The following MICAL3 variants were observed in gnomAD, a reference collection of about 807,000 sequenced individuals.
MICAL3 encodes the protein [F-actin]-monooxygenase MICAL3.
Under a neutral mutation model 207.4 loss-of-function variants are expected in MICAL3, and 62 were observed. The ratio of observed to expected loss-of-function variants is 0.30; its 90% CI spans 0.24 to 0.37. The LOEUF (loss-of-function observed/expected upper bound fraction) is 0.37. Ranked by LOEUF, MICAL3 falls within the 10% of genes least tolerant of loss-of-function variation. The probability of loss-of-function intolerance (pLI) is 1.00; values close to 1 mark genes in which losing one functional copy is unlikely to be tolerated. For missense variants in MICAL3, 2,368 were observed against 2,635.6 expected (o/e 0.90, Z 2.22); for synonymous variants, 1,077 against 1,069.3 (o/e 1.01, Z -0.14).
chr22:17,981,579 C>T (rs182863549), intron 1 of MICAL3, among the ~76,000 whole-genome samples: 1 of 152,156 alleles, frequency 6.6e-6, no homozygotes, highest in African/African-American at 2.4e-5. Context: ...GTTGTGTTTG[C>T]GAGTGTCCAT....
Position 17,822,769 on chromosome 22 carries a change from C to T in MICAL3, c.3307+178G>A, listed in dbSNP as rs563069935. Among the ~76,000 whole-genome samples the T allele has an allele frequency of 2.0e-5, 3 of 152,328 alleles. No homozygotes were observed. The South Asian group carries it at 6.2e-4, about 32-fold the overall frequency. ...AGCTGGATGACTGCAGGCCAAGTCGCCTGGTGCTCGTGGGTAGGTGGTGGT... is the reference window on the plus strand; with the variant it reads ...AGCTGGATGACTGCAGGCCAAGTCGTCTGGTGCTCGTGGGTAGGTGGTGGT... On this transcript the variant is annotated intron_variant, in intron 23 of 31. Transcript: ENST00000441493.
intron 19 of MICAL3, among the ~76,000 whole-genome samples, chr22:17,843,626 C>T (rs1420522073): frequency 6.6e-6 from 1 of 152,228 alleles, no homozygotes; most frequent in Non-Finnish European, 1.5e-5. Flanking sequence ...GTTGACCCTG[C>T]ACCCCACACA....
intron 10 of MICAL3, among the ~76,000 whole-genome samples, chr22:17,894,788 T>G (rs1291657018): frequency 3.6e-5 from 5 of 138,396 alleles, no homozygotes; most frequent in Non-Finnish European, 6.0e-5. Flanking sequence ...CAGAGCGAGA[T>G]TCCATCTCAA....
Position 17,790,780 on chromosome 22 carries a change from G to A in MICAL3, c.5961C>T (p.Asp1987=). 1.2e-6 allele frequency: 2 copies of A among 1,612,368 alleles called. No individual in the cohort carries two copies. The highest frequency in any genetic ancestry group is 1.7e-6 in the Non-Finnish European group (2 of 1,179,278). ...QRLREREEDK[D]LEAAMLSKGF... Reference sequence around the variant, plus strand: ...CCTTGGACAGCATGGCAGCCTCCAGGTCCTTGTCCTCCTCTCTCTCCCGGA... The same window carrying A: ...CCTTGGACAGCATGGCAGCCTCCAGATCCTTGTCCTCCTCTCTCTCCCGGA... The change falls in exon 32 of 32, where the codon GAC becomes GAT. Residue 1987 remains aspartate (D), a synonymous_variant. Coordinates refer to ENST00000441493, the MANE Select transcript of MICAL3 (RefSeq NM_015241.3).
intron 1 of MICAL3, among the ~76,000 whole-genome samples, chr22:17,954,268 A>G (rs1453788311): frequency 6.6e-6 from 1 of 152,190 alleles, no homozygotes; most frequent in Non-Finnish European, 1.5e-5. Context: ...GGACCATCGC[A>G]TTGGGGACCT....
intron 1 of MICAL3, among the ~76,000 whole-genome samples, chr22:18,020,901 G>A (rs1276069113): frequency 1.4e-5 from 2 of 148,120 alleles, no homozygotes; most frequent in Non-Finnish European, 3.0e-5. Flanking sequence ...GTGACAGGGT[G>A]AGACCCTGTC....
At chr22:17,919,223 C>G (rs1287957530) in intron 1 of MICAL3, among the ~76,000 whole-genome samples, 1 of 152,134 alleles carries the variant, frequency 6.6e-6, no homozygotes, top group Admixed American at 6.5e-5. Context: ...CACCACCAAG[C>G]ATAGCTAATT....
chr22:17,956,714 G>A (rs759160808), intron 1 of MICAL3, among the ~76,000 whole-genome samples: 22 of 152,330 alleles, frequency 1.4e-4, no homozygotes, highest in Non-Finnish European at 2.6e-4. Context: ...AGAGCTGCGA[G>A]GACAGCCAGC....
At chr22:17,968,745 T>C (rs966210218) in intron 1 of MICAL3, among the ~76,000 whole-genome samples, 2 of 152,098 alleles carry the variant, frequency 1.3e-5, no homozygotes, top group African/African-American at 4.8e-5. Context: ...ACCAAACAGT[T>C]TGACGTAGGA....
At chr22:17,911,028 G>C (rs529343240) in intron 1 of MICAL3, among the ~76,000 whole-genome samples, 769 of 28,388 alleles carry the variant, frequency 0.027, 5 homozygotes, top group Admixed American at 0.054. Flanking sequence ...GGCTGGGGGA[G>C]GAAGAGGAGG....
chr22:17,917,868 G>C (rs1932634921), intron 1 of MICAL3, among the ~76,000 whole-genome samples: 1 of 152,198 alleles, frequency 6.6e-6, no homozygotes, highest in Non-Finnish European at 1.5e-5. Flanking sequence ...TGTGGACACT[G>C]TGTACAAAGC....
At chr22:18,020,594 G>T (rs1206150105) in intron 1 of MICAL3, among the ~76,000 whole-genome samples, 2 of 125,290 alleles carry the variant, frequency 1.6e-5, no homozygotes, top group Admixed American at 8.5e-5. Context: ...AAATAAAATG[G>T]CTGTAAACCT....
chr22:17,818,964 C>T lies in MICAL3; in HGVS notation c.3697G>A (p.Ala1233Thr). The T allele has an allele frequency of 2.5e-6, 4 of 1,605,404 alleles. No individual in the cohort carries two copies. Among genetic ancestry groups the T allele is most frequent in the Non-Finnish European group, 3.4e-6 (4 of 1,176,132 alleles). ...IRSQPVTLPE[A>T]RTPVSPGSPQ... ...CTCCCTGGTGAGACAGGAGTCCTAG[C>T]TTCTGGCAGGGTCACTGGCTGTGAT... The change falls in exon 26 of 32, where the codon GCT becomes ACT. Residue 1233 changes from alanine (A) to threonine (T), a missense_variant. Coordinates refer to ENST00000441493, the MANE Select transcript of MICAL3 (RefSeq NM_015241.3).
intron 19 of MICAL3, among the ~76,000 whole-genome samples, chr22:17,857,343 G>A (rs1226845435): frequency 6.6e-6 from 1 of 152,112 alleles, no homozygotes; most frequent in Non-Finnish European, 1.5e-5. Flanking sequence ...AGGGACCCAC[G>A]CCGCATGCTC....
intron 1 of MICAL3, among the ~76,000 whole-genome samples, chr22:18,018,508 G>A (rs1007434765): frequency 1.3e-5 from 2 of 152,066 alleles, no homozygotes; most frequent in African/African-American, 4.8e-5. Flanking sequence ...TGGATCACCC[G>A]AGGTCAGGAG....
intron 19 of MICAL3, among the ~76,000 whole-genome samples, chr22:17,858,262 C>T (rs570662218): frequency 2.6e-5 from 4 of 152,280 alleles, no homozygotes; most frequent in African/African-American, 4.8e-5. Flanking sequence ...CTGAGAATTC[C>T]GGGCGGTGGT....
At chr22:17,891,788 C>T (rs2075452) in intron 11 of MICAL3, among the ~76,000 whole-genome samples, 156 bp from the exon 12 acceptor site, 34,804 of 152,048 alleles carry the variant, frequency 0.23, 3,978 homozygotes, top group East Asian at 0.27. Flanking sequence ...CAGTGAGGAA[C>T]AAGGTTATGC....
chr22:17,806,135 CCTCT>C (rs974425200), intron 29 of MICAL3, among the ~76,000 whole-genome samples: 4 of 152,160 alleles, frequency 2.6e-5, no homozygotes, highest in African/African-American at 9.7e-5. Context: ...CAAGTTTCCG[CCTCT>C]CTCTGTGTGT....
chr22:17,982,716 A>ATAACATAACATAACAAACAT, intron 1 of MICAL3, among the ~76,000 whole-genome samples: 1 of 90,550 alleles, frequency 1.1e-5, no homozygotes, highest in East Asian at 3.6e-4. Context: ...ATAACATAAC[A>ATAACATAACATAACAAACAT]AACATAACAT....
Sources: gnomAD v4.1 joint callset for allele counts (sites outside exome capture counted in the v4.1 genomes callset) on GRCh38, gnomAD v4.1.1 for gene constraint, MANE v1.5 for transcripts, NCBI Gene and HGNC (gene_info 2026-07-23, HGNC 2026-07-21) for gene names.